MACROD2: variants seen among roughly 807,000 people sequenced by gnomAD.
MACROD2 encodes the protein mono-ADP ribosylhydrolase 2, also known as ADP-ribose glycohydrolase MACROD2.
In MACROD2, 36 loss-of-function variants were observed where a neutral mutation model predicts 70.4. That is an observed-to-expected ratio of 0.51 (90% CI 0.39 to 0.68). The LOEUF is 0.68. Among genes scored for constraint, MACROD2 ranks in the 30% least tolerant of loss-of-function variants. The pLI is 0.00. For synonymous variants in MACROD2, 172 were observed against 178.8 expected (o/e 0.96, Z 0.30); for missense variants, 496 against 538.4 (o/e 0.92, Z 0.78).
chr20:15,727,238 C>T (rs2050878085), intron 8 of MACROD2, among the ~76,000 whole-genome samples: 1 of 152,014 alleles, frequency 6.6e-6, no homozygotes, highest in Non-Finnish European at 1.5e-5. Flanking sequence ...TTAACAAAAA[C>T]AGATGGCTGT....
intron 8 of MACROD2, among the ~76,000 whole-genome samples, chr20:15,859,307 T>G (rs2064393443): frequency 6.6e-6 from 1 of 152,018 alleles, no homozygotes; most frequent in African/African-American, 2.4e-5. Context: ...ATGATCTGCT[T>G]AACTTTTACT....
intron 15 of MACROD2, among the ~76,000 whole-genome samples, chr20:16,031,936 G>A (rs902999616): frequency 6.6e-6 from 1 of 152,044 alleles, no homozygotes; most frequent in African/African-American, 2.4e-5. Context: ...GATGGGAATT[G>A]TGTGCATTAT....
At chr20:14,542,797 C>G (rs2085449813) in intron 4 of MACROD2, among the ~76,000 whole-genome samples, 1 of 152,096 alleles carries the variant, frequency 6.6e-6, no homozygotes, top group African/African-American at 2.4e-5. Flanking sequence ...GTTCTTTCAA[C>G]TTTGCTGCAT....
chr20:15,807,532 C>T (rs76833596), intron 8 of MACROD2, among the ~76,000 whole-genome samples: 2,080 of 152,156 alleles, frequency 0.014, 59 homozygotes, highest in African/African-American at 0.048. Context: ...GTCCATTGAG[C>T]AATGGGAATG....
Position 14,952,014 on chromosome 20 carries a change from C to T in MACROD2, c.418+267055C>T, listed in dbSNP as rs58388595. On this transcript the variant is annotated intron_variant, in intron 5 of 17. Transcript: ENST00000684519. ...GAAATGCATTCCTGATCCCAAGAGG[C>T]CTCTCCCATACCATCCTGCCCTCCC... 5.1e-3 allele frequency among the ~76,000 whole-genome samples: 773 copies of T among 151,898 alleles called. 12 individuals carry two copies. Among genetic ancestry groups the T allele is most frequent in the African/African-American group, 0.018 (736 of 41,406 alleles).
intron 3 of MACROD2, among the ~76,000 whole-genome samples, chr20:14,428,069 C>T (rs1053475031): frequency 2.0e-5 from 3 of 152,020 alleles, no homozygotes; most frequent in Middle Eastern, 3.2e-3. Flanking sequence ...TCATATGAGG[C>T]AGTTTAGTCT....
chr20:14,772,883 A>G (rs1475559309), intron 5 of MACROD2, among the ~76,000 whole-genome samples: 1 of 152,066 alleles, frequency 6.6e-6, no homozygotes, highest in Non-Finnish European at 1.5e-5. Context: ...AGTGGCTTAA[A>G]CAATTTTTTC....
chr20:15,678,974 C>A (rs201220), intron 8 of MACROD2, among the ~76,000 whole-genome samples: 2 of 152,036 alleles, frequency 1.3e-5, no homozygotes, highest in African/African-American at 4.8e-5. Flanking sequence ...CGGTGGCTCA[C>A]GCCTGTAATC....
chr20:15,186,472 C>T (rs888724167), intron 5 of MACROD2, among the ~76,000 whole-genome samples: 4 of 152,022 alleles, frequency 2.6e-5, no homozygotes, highest in African/African-American at 7.2e-5. Flanking sequence ...ATTCTAGGCT[C>T]CATAAAACAG....
intron 8 of MACROD2, among the ~76,000 whole-genome samples, chr20:15,514,379 T>C (rs2047539676): frequency 6.6e-6 from 1 of 152,240 alleles, no homozygotes; most frequent in South Asian, 2.1e-4. Flanking sequence ...TCTTTTCTAC[T>C]ATACTTTTAC....
chr20:15,940,845 G>A (rs1246284829), intron 12 of MACROD2, among the ~76,000 whole-genome samples: 1 of 152,134 alleles, frequency 6.6e-6, no homozygotes, highest in African/African-American at 2.4e-5. Flanking sequence ...GACAGAAAGT[G>A]GTGTTCACCT....
intron 3 of MACROD2, among the ~76,000 whole-genome samples, chr20:14,240,966 TA>T (rs750634725): frequency 1.1e-4 from 17 of 151,996 alleles, no homozygotes; most frequent in Non-Finnish European, 2.1e-4. Context: ...CCCTCTCTAC[TA>T]AAAATACAAA....
Position 14,073,275 on chromosome 20 carries a change from G to T in MACROD2, c.164-12346G>T, listed in dbSNP as rs2053873681. On this transcript the variant is annotated intron_variant, in intron 2 of 17. Coordinates refer to ENST00000684519, the MANE Select transcript of MACROD2 (RefSeq NM_001351661.2). Reference sequence around the variant, plus strand: ...CGCTTGAACCCAGGAGGTGGAGGTTGCAGTGAGCCAAGATCATGCCATCAC... The same window carrying T: ...CGCTTGAACCCAGGAGGTGGAGGTTTCAGTGAGCCAAGATCATGCCATCAC... Among the ~76,000 whole-genome samples, 4 of 152,012 alleles carry T rather than the reference G, an allele frequency of 2.6e-5. No homozygotes were observed. The South Asian group carries it at 8.3e-4, about 32-fold the overall frequency.
At chr20:15,764,290 GT>G (rs536486949) in intron 8 of MACROD2, among the ~76,000 whole-genome samples, 127 of 152,214 alleles carry the variant, frequency 8.3e-4, no homozygotes, top group Admixed American at 1.4e-3. Flanking sequence ...GATGAACACT[GT>G]CACATATCAT....
intron 8 of MACROD2, among the ~76,000 whole-genome samples, chr20:15,667,064 G>A (rs1378487180): frequency 6.6e-6 from 1 of 152,104 alleles, no homozygotes; most frequent in African/African-American, 2.4e-5. Context: ...GATATAGTTT[G>A]GATATTTGTC....
chr20:14,309,183 A>G (rs1337082054), intron 3 of MACROD2, among the ~76,000 whole-genome samples: 1 of 152,172 alleles, frequency 6.6e-6, no homozygotes, highest in Non-Finnish European at 1.5e-5. Context: ...TTTTTAATGA[A>G]TAAAATGAGG....
chr20:15,267,668 T>C (rs1215489580), intron 6 of MACROD2, among the ~76,000 whole-genome samples: 3 of 152,266 alleles, frequency 2.0e-5, no homozygotes, highest in Middle Eastern at 3.4e-3. Context: ...AGGCTTTTCT[T>C]GCTCAGATTT....
At chr20:15,786,370 T>C (rs1371092194) in intron 8 of MACROD2, among the ~76,000 whole-genome samples, 1 of 152,110 alleles carries the variant, frequency 6.6e-6, no homozygotes, top group Non-Finnish European at 1.5e-5. Flanking sequence ...AAAAAATTGA[T>C]GAAAATTTTC....
intron 5 of MACROD2, among the ~76,000 whole-genome samples, chr20:14,860,809 C>G (rs1243389481): frequency 6.6e-6 from 1 of 152,100 alleles, no homozygotes; most frequent in Non-Finnish European, 1.5e-5. Flanking sequence ...TCTTAACCTG[C>G]AAGCCACAGC....
Sources: gnomAD v4.1 joint callset for allele counts (sites outside exome capture counted in the v4.1 genomes callset) on GRCh38, gnomAD v4.1.1 for gene constraint, MANE v1.5 for transcripts, NCBI Gene and HGNC (gene_info 2026-07-23, HGNC 2026-07-21) for gene names.